KIF13B: variants seen among roughly 807,000 people sequenced by gnomAD.
The protein encoded by KIF13B is kinesin-like protein KIF13B.
A neutral mutation model predicts 222.0 loss-of-function variants in KIF13B; 127 were observed. The ratio of observed to expected loss-of-function variants is 0.57; its 90% CI spans 0.50 to 0.66. The LOEUF is 0.66. Ranked by LOEUF, KIF13B falls within the 30% of genes least tolerant of loss-of-function variation. The pLI is 0.00. For missense variants in KIF13B, 2,173 were observed against 2,379.0 expected, an observed-to-expected ratio of 0.91 and a Z score of 1.80; for synonymous variants, 976 against 919.0, an observed-to-expected ratio of 1.06 and a Z score of -1.12.
intron 2 of KIF13B, among the ~76,000 whole-genome samples, chr8:29,233,921 C>T (rs1815393913): frequency 6.6e-6 from 1 of 152,094 alleles, no homozygotes. Context: ...TTAATATAAA[C>T]ATTTTTAAAG....
chr8:29,091,419 C>T (rs965996116), intron 37 of KIF13B, among the ~76,000 whole-genome samples: 3 of 152,180 alleles, frequency 2.0e-5, no homozygotes, highest in South Asian at 4.1e-4. Flanking sequence ...TACATGACTC[C>T]GCCTTCACCA....
intron 2 of KIF13B, among the ~76,000 whole-genome samples, chr8:29,223,393 A>AAG (rs1297043882): frequency 5.9e-5 from 9 of 151,758 alleles, no homozygotes; most frequent in African/African-American, 2.2e-4. Context: ...ACTTGGCCTC[A>AAG]TTTTAAAATT....
intron 2 of KIF13B, among the ~76,000 whole-genome samples, chr8:29,232,811 T>C (rs1373810381): frequency 6.6e-6 from 1 of 152,158 alleles, no homozygotes; most frequent in Non-Finnish European, 1.5e-5. Flanking sequence ...AGAGACTCCA[T>C]AGCACCCATA....
intron 2 of KIF13B, among the ~76,000 whole-genome samples, chr8:29,202,435 A>C (rs2130422179): frequency 6.6e-6 from 1 of 152,280 alleles, no homozygotes; most frequent in Non-Finnish European, 1.5e-5. Context: ...CTTCTGCCTC[A>C]GCCTCCCAAG....
intron 12 of KIF13B, among the ~76,000 whole-genome samples, chr8:29,164,576 G>A (rs1341035313): frequency 1.3e-5 from 2 of 152,132 alleles, no homozygotes. Flanking sequence ...GACACTTAAC[G>A]CTCTTAGCTA....
At chr8:29,182,147 T>C (rs775694633) in intron 6 of KIF13B, 141 bp from the exon 7 acceptor site, 15 of 572,124 alleles carry the variant, frequency 2.6e-5, no homozygotes, top group Admixed American at 6.8e-5. Flanking sequence ...CCAGAAGAAT[T>C]TAAACCAAAC....
chr8:29,169,446 A>T (rs1440782833), intron 10 of KIF13B, among the ~76,000 whole-genome samples: 1 of 152,232 alleles, frequency 6.6e-6, no homozygotes, highest in Non-Finnish European at 1.5e-5. Context: ...AGATTAAATA[A>T]GGTGACCTGA....
At chr8:29,191,189 G>C in intron 3 of KIF13B, 132 bp from the exon 4 acceptor site, 1 of 663,492 alleles carries the variant, frequency 1.5e-6, no homozygotes, top group Non-Finnish European at 2.6e-6. Context: ...TATGTATGTA[G>C]AGGCTTACAA....
intron 3 of KIF13B, among the ~76,000 whole-genome samples, chr8:29,193,413 T>C (rs1487895578): frequency 1.3e-5 from 2 of 152,188 alleles, no homozygotes; most frequent in Non-Finnish European, 2.9e-5. Flanking sequence ...GTGTCACCCA[T>C]AGTGAGAATC....
chr8:29,226,298 A>G (rs1815022375), intron 2 of KIF13B, among the ~76,000 whole-genome samples: 1 of 152,224 alleles, frequency 6.6e-6, no homozygotes, highest in Non-Finnish European at 1.5e-5. Context: ...AGCTCTTCAC[A>G]TTATAGATGG....
intron 37 of KIF13B, among the ~76,000 whole-genome samples, chr8:29,082,475 C>CA (rs1178984430): frequency 2.5e-4 from 38 of 150,400 alleles, no homozygotes; most frequent in African/African-American, 6.6e-4. Flanking sequence ...CTCATTTTTA[C>CA]AAAAAAAAAG....
chr8:29,194,119 C>T (rs1210044419), intron 3 of KIF13B, among the ~76,000 whole-genome samples: 3 of 151,946 alleles, frequency 2.0e-5, no homozygotes, highest in Non-Finnish European at 2.9e-5. Context: ...CCACCGCGCC[C>T]GGCCCTAAAT....
intron 10 of KIF13B, among the ~76,000 whole-genome samples, chr8:29,168,422 C>A (rs1022773884): frequency 6.6e-6 from 1 of 152,208 alleles, no homozygotes; most frequent in Non-Finnish European, 1.5e-5. Context: ...CCTATGCAGG[C>A]GACCTCCTGG....
intron 34 of KIF13B, among the ~76,000 whole-genome samples, chr8:29,109,049 C>T (rs1586789410): frequency 6.6e-6 from 1 of 152,206 alleles, no homozygotes; most frequent in East Asian, 1.9e-4. Flanking sequence ...TTGTGAACAA[C>T]TGGTTTGTGA....
chr8:29,174,062 T>C (rs1812375484), intron 10 of KIF13B, among the ~76,000 whole-genome samples: 1 of 152,178 alleles, frequency 6.6e-6, no homozygotes, highest in African/African-American at 2.4e-5. Context: ...AATTGATTAC[T>C]ACATTCAAAC....
At position 29,075,340 on chromosome 8, in the gene KIF13B, C is replaced by T. The variant is rs199652125; in HGVS notation, c.4462G>A (p.Val1488Met). Residue 1488 changes from valine to methionine, a missense_variant, in exon 38 of 40, where the codon GTG becomes ATG. Val to Met is a conservative substitution (Grantham distance 21). This residue lies in a region of KIF13B where 693 missense variants were observed against 656.2 expected (regional missense o/e 1.06). Transcript: ENST00000524189. Reference sequence around the variant, plus strand: ...GCTGACTGCACCATGATGCGGGGCACGGGCTGAGGAGGCAAGTGTGCAGGT... The same window carrying T: ...GCTGACTGCACCATGATGCGGGGCATGGGCTGAGGAGGCAAGTGTGCAGGT... Reference protein sequence around the residue: ...KRPSPLAHQPVPRIMVQSASP... With the variant: ...KRPSPLAHQPMPRIMVQSASP... 4.4e-5 allele frequency: 69 copies of T among 1,557,752 alleles called. No individual in the cohort carries two copies. Among genetic ancestry groups the T allele is most frequent in the Middle Eastern group, 1.7e-4 (1 of 5,850 alleles).
At position 29,142,309 on chromosome 8, in the gene KIF13B, AAG is replaced by A. The variant is rs747670906; in HGVS notation, c.2188-8_2188-7del. 7 of 1,608,282 alleles carry A rather than the reference AAG, an allele frequency of 4.4e-6. No individual in the cohort carries two copies. The highest frequency in any genetic ancestry group is 4.5e-5 in the East Asian group (2 of 44,792). On this transcript the variant is annotated splice_polypyrimidine_tract_variant and splice_region_variant and intron_variant, in intron 18 of 39. Transcript: ENST00000524189. ...TCACTAAGAAGAGAGCCTCGCTGCA[AAG>A]AGAGTAAGAATGACCGTGAGAAACA...
chr8:29,127,022 G>A (rs1371116162), intron 25 of KIF13B, 100 bp downstream of exon 25: 22 of 1,030,242 alleles, frequency 2.1e-5, no homozygotes, highest in Admixed American at 5.5e-5. Context: ...AGAGATTCAC[G>A]GAAAGAAATG....
At chr8:29,105,925 C>T (rs1478529637) in intron 35 of KIF13B, among the ~76,000 whole-genome samples, 1 of 152,028 alleles carries the variant, frequency 6.6e-6, no homozygotes, top group Non-Finnish European at 1.5e-5. Flanking sequence ...TCCCAAAGTG[C>T]TGGGATTACA....
Sources: gnomAD v4.1 joint callset for allele counts (sites outside exome capture counted in the v4.1 genomes callset) on GRCh38, gnomAD v4.1.1 for gene constraint, gnomAD v4.1.1 regional missense constraint, MANE v1.5 for transcripts, NCBI Gene and HGNC (gene_info 2026-07-23, HGNC 2026-07-21) for gene names.